Variants in DNAH17 observed in about 807,000 individuals in gnomAD.
The protein encoded by DNAH17 is axonemal beta dynein heavy chain 17.
In DNAH17, 376 loss-of-function variants were observed where a neutral mutation model predicts 485.6. The observed-to-expected ratio is 0.77, with a 90% CI of 0.71 to 0.84. The LOEUF is 0.84. Ranked by LOEUF, DNAH17 falls within the 40% of genes least tolerant of loss-of-function variation. The pLI is 0.00. For missense variants in DNAH17, 6,370 were observed against 5,839.3 expected (o/e 1.09, Z -2.96); for synonymous variants, 3,031 against 2,405.9 (o/e 1.26, Z -7.60).
rs980944574 is a variant in DNAH17 at position 78,495,067 on chromosome 17, T to C, written c.5934A>G (p.Glu1978=). 4.3e-6 allele frequency: 7 copies of C among 1,610,608 alleles called. No individual in the cohort carries two copies. The highest frequency in any genetic ancestry group is 3.3e-5 in the South Asian group (3 of 90,374). ...CCATGAGCATGATCTCACATATCAGTTCGAAGTCGGGGACGACCATGGCAC... is the reference window on the plus strand; with the variant it reads ...CCATGAGCATGATCTCACATATCAGCTCGAAGTCGGGGACGACCATGGCAC... ...RPCAMVVPDF[E]LICEIMLMAE... The change falls in exon 39 of 81, where the codon GAA becomes GAG. Residue 1978 remains glutamate, a synonymous_variant. Coordinates refer to ENST00000389840, the MANE Select transcript of DNAH17 (RefSeq NM_173628.4).
chr17:78,445,794 C>G (rs1462108016), intron 69 of DNAH17, 114 bp from the exon 70 acceptor site: 15 of 1,178,728 alleles, frequency 1.3e-5, no homozygotes, highest in East Asian at 7.8e-5. Context: ...AGGGGGCGCC[C>G]TGTCCTGCCC....
At position 78,575,348 on chromosome 17, in the gene DNAH17, C is replaced by T. The variant is rs2092418538; in HGVS notation, c.-25-266G>A. ...CTTACAATCCTGTGACCATAAAGTT[C>T]AGAGGATGGGAAAGATAGAGATGAA... is the stretch of plus-strand genomic sequence containing the variant. On this transcript the variant is annotated intron_variant, in intron 1 of 80. Transcript: ENST00000389840. Among the ~76,000 whole-genome samples the T allele has an allele frequency of 2.0e-5, 3 of 152,024 alleles. No individual in the cohort carries two copies. The South Asian group carries it at 6.2e-4, about 32-fold the overall frequency.
intron 15 of DNAH17, among the ~76,000 whole-genome samples, chr17:78,552,294 G>A (rs1156610192): frequency 2.6e-5 from 4 of 152,138 alleles, no homozygotes; most frequent in African/African-American, 9.7e-5. Context: ...GGAAGACAGG[G>A]ACTCGTGACT....
At chr17:78,522,533 C>T in intron 25 of DNAH17, 1 of 309,758 alleles carries the variant, frequency 3.2e-6, no homozygotes, top group South Asian at 2.9e-5. Context: ...TGAAGATCTG[C>T]CAGCCCCTAA....
chr17:78,494,441 G>A (rs954533786), intron 40 of DNAH17, among the ~76,000 whole-genome samples, 152 bp downstream of exon 40: 1 of 152,114 alleles, frequency 6.6e-6, no homozygotes, highest in South Asian at 2.1e-4. Flanking sequence ...GGGCTGGCCA[G>A]GGCCACGGAG....
intron 41 of DNAH17, 90 bp from the exon 42 acceptor site, chr17:78,492,855 G>GTTTTTTTTTTC (rs1555673604): frequency 1.9e-6 from 1 of 526,946 alleles, no homozygotes; most frequent in Non-Finnish European, 2.6e-6. Context: ...GGCCTGGATG[G>GTTTTTTTTTTC]TTTTTTTTTT....
At chr17:78,441,528 CAGATT>C (rs2087076187) in intron 71 of DNAH17, among the ~76,000 whole-genome samples, 2 of 152,112 alleles carry the variant, frequency 1.3e-5, no homozygotes. Flanking sequence ...GAAGGAAGTT[CAGATT>C]AGAGCAAAGC....
At chr17:78,433,910 G>A in intron 75 of DNAH17, 119 bp downstream of exon 75, 1 of 551,666 alleles carries the variant, frequency 1.8e-6, no homozygotes, top group South Asian at 3.2e-5. Flanking sequence ...AAGACCAAAA[G>A]GAAAGGGAGG....
intron 22 of DNAH17, among the ~76,000 whole-genome samples, chr17:78,528,950 A>AT (rs56009624): frequency 0.59 from 83,344 of 140,526 alleles, 24,565 homozygotes; most frequent in African/African-American, 0.61. Flanking sequence ...GGCATTTTGT[A>AT]TTTTTTTTTT....
chr17:78,427,965 TCAAAAA>T (rs1568036496), intron 77 of DNAH17, among the ~76,000 whole-genome samples: 1 of 28,622 alleles, frequency 3.5e-5, no homozygotes, highest in African/African-American at 1.4e-4. Flanking sequence ...AAACTCCGTC[TCAAAAA>T]AAAAAAAAAA....
intron 37 of DNAH17, among the ~76,000 whole-genome samples, chr17:78,497,226 TCTC>T (rs1352902348): frequency 1.3e-5 from 2 of 151,968 alleles, no homozygotes; most frequent in African/African-American, 4.8e-5. Context: ...CTGCTTGAGG[TCTC>T]CTCTGGAAAC....
chr17:78,471,552 G>A (rs920056742), intron 54 of DNAH17, among the ~76,000 whole-genome samples: 1 of 152,096 alleles, frequency 6.6e-6, no homozygotes, highest in Admixed American at 6.6e-5. Context: ...TTTAGAGATA[G>A]GGCCTCACTC....
intron 69 of DNAH17, among the ~76,000 whole-genome samples, chr17:78,446,457 G>A (rs533040083): frequency 3.3e-5 from 5 of 152,200 alleles, no homozygotes; most frequent in African/African-American, 1.2e-4. Flanking sequence ...CACTTAGCGT[G>A]ATGCTTCTGA....
chr17:78,474,853 A>G (rs2088933985), intron 54 of DNAH17, among the ~76,000 whole-genome samples: 1 of 151,078 alleles, frequency 6.6e-6, no homozygotes, highest in Non-Finnish European at 1.5e-5. Context: ...CACCTCAGTC[A>G]TGCGGGCCGG....
At chr17:78,505,544 T>G in intron 30 of DNAH17, 99 bp from the exon 31 acceptor site, 1 of 1,445,798 alleles carries the variant, frequency 6.9e-7, no homozygotes, top group Non-Finnish European at 9.6e-7. Context: ...TCGTTCTTTT[T>G]GGAATATACT....
chr17:78,457,840 T>C (rs1007398490), intron 62 of DNAH17, among the ~76,000 whole-genome samples: 4 of 152,140 alleles, frequency 2.6e-5, no homozygotes, highest in Non-Finnish European at 4.4e-5. Context: ...TTTGTATTTT[T>C]AGTAGAGACA....
intron 16 of DNAH17, among the ~76,000 whole-genome samples, chr17:78,548,345 C>T (rs950163158): frequency 6.6e-5 from 10 of 151,304 alleles, no homozygotes; most frequent in Non-Finnish European, 1.0e-4. Flanking sequence ...GCTGGAACTA[C>T]AGGCGCCCGC....
intron 75 of DNAH17, 128 bp from the exon 76 acceptor site, chr17:78,429,428 G>C: frequency 9.5e-7 from 1 of 1,053,980 alleles, no homozygotes. Flanking sequence ...CGCCCTCCAG[G>C]TCAGCCTCCT....
chr17:78,567,605 T>C (rs114970246), intron 9 of DNAH17, among the ~76,000 whole-genome samples: 3,474 of 152,132 alleles, frequency 0.023, 66 homozygotes, highest in African/African-American at 0.044. Flanking sequence ...CTATGCAGAG[T>C]GCCGTGTCCC....
Sources: gnomAD v4.1 joint callset for allele counts (sites outside exome capture counted in the v4.1 genomes callset) on GRCh38, gnomAD v4.1.1 for gene constraint, MANE v1.5 for transcripts, NCBI Gene and HGNC (gene_info 2026-07-23, HGNC 2026-07-21) for gene names.